The following SLC6A9 variants were observed in gnomAD, a reference collection of about 807,000 sequenced individuals.
The protein encoded by SLC6A9 is solute carrier family 6 member 9.
In SLC6A9, 31 loss-of-function variants were observed where a neutral mutation model predicts 70.9. That is an observed-to-expected ratio of 0.44 (90% CI 0.33 to 0.59). The LOEUF (loss-of-function observed/expected upper bound fraction) is 0.59, where lower values mean the gene tolerates loss of function less well. Among genes scored for constraint, SLC6A9 ranks in the 20% least tolerant of loss-of-function variants. The pLI is 0.04. For missense variants in SLC6A9, 631 were observed against 845.2 expected (o/e 0.75, Z 3.14); for synonymous variants, 310 against 341.3 (o/e 0.91, Z 1.01).
rs200761693 is a variant in SLC6A9, at chr1:44,001,526, T to A, written c.1064A>T (p.Asp355Val). 4.3e-6 allele frequency: 7 copies of A among 1,614,056 alleles called. No individual in the cohort carries two copies. The African/African-American group carries it at 9.3e-5, about 22-fold the overall frequency. Residue 355 changes from aspartate (D) to valine (V), a missense_variant, in exon 9 of 14, where the codon GAT becomes GTT. Coordinates refer to ENST00000372310, the MANE Select transcript of SLC6A9 (RefSeq NM_001024845.3). The part of the protein sequence containing the change: ...LGFMANHLGV[D>V]VSRVADHGPG... ...GCCGTGGTCTGCCACACGGGACACA[T>A]CCACGCCCAGGTGATTGGCCATGAA...
intron 5 of SLC6A9, among the ~76,000 whole-genome samples, chr1:44,006,840 G>GT (rs879901529): frequency 1.3e-5 from 2 of 152,178 alleles, no homozygotes; most frequent in Non-Finnish European, 2.9e-5. Context: ...CAGCCCAGAG[G>GT]TTGGCACAGG....
intron 1 of SLC6A9, among the ~76,000 whole-genome samples, chr1:44,029,143 C>G (rs931716108): frequency 6.6e-6 from 1 of 152,160 alleles, no homozygotes; most frequent in South Asian, 2.1e-4. Flanking sequence ...AGAACCCTGG[C>G]CCACCTTGAC....
At chr1:44,022,774 A>C (rs1476104919) in intron 2 of SLC6A9, among the ~76,000 whole-genome samples, 1 of 132,132 alleles carries the variant, frequency 7.6e-6, no homozygotes, top group East Asian at 2.3e-4. Flanking sequence ...GCTGGAGTGC[A>C]GTGGCGCTTG....
chr1:44,016,233 G>A (rs891104540), intron 2 of SLC6A9, among the ~76,000 whole-genome samples: 10 of 152,268 alleles, frequency 6.6e-5, no homozygotes, highest in Middle Eastern at 3.4e-3. Flanking sequence ...GTGCTGCAGC[G>A]GCTGGGGGCG....
In SLC6A9 at chr1:43,997,738, C is replaced by T. The variant is rs141553063; in HGVS notation, c.1709G>A (p.Arg570His). 52 of 1,606,092 alleles carry T rather than the reference C, an allele frequency of 3.2e-5. No individual in the cohort carries two copies. In the Admixed American group the frequency reaches 3.8e-4, roughly 12 times the overall value. The stretch of plus-strand genomic sequence containing the variant: ...GCTTGGCTTTGTGGCATTTTTCAAA[C>T]GCTGCATGAGGTAGGCATGGGGCAC... ...CRTDGDTLLQ[R>H]LKNATKPSRD... Residue 570 changes from arginine (R) to histidine (H), a missense_variant and splice_region_variant, in exon 14 of 14, where the codon CGT becomes CAT. By Grantham distance (29) the Arg-to-His change is conservative. Coordinates refer to ENST00000372310, the MANE Select transcript of SLC6A9 (RefSeq NM_001024845.3). This position sits in a 1 kb window ranked among gnomAD's most constrained non-coding sequence, Gnocchi z 4.4.
chr1:44,000,717 A>G, intron 12 of SLC6A9, 50 bp downstream of exon 12: 1 of 1,229,500 alleles, frequency 8.1e-7, no homozygotes, highest in Non-Finnish European at 1.2e-6. Flanking sequence ...AGAGATGGAC[A>G]CATGGCCAAG....
chr1:44,025,374 A>G (rs1322827650), intron 1 of SLC6A9, among the ~76,000 whole-genome samples: 1 of 152,026 alleles, frequency 6.6e-6, no homozygotes, highest in East Asian at 1.9e-4. Context: ...GATTAATGTC[A>G]GATGGGACGG....
rs202049978 is a variant in SLC6A9 at position 43,996,952 on chromosome 1, G to A, written c.*593C>T. Reference sequence around the variant, plus strand: ...GGGGCAGAGACCCCGGAGCAGCCCAGTGAGGTGCAAGCAGGCCTGGAAGAC... The same window carrying A: ...GGGGCAGAGACCCCGGAGCAGCCCAATGAGGTGCAAGCAGGCCTGGAAGAC... On this transcript the variant is annotated 3_prime_UTR_variant, in exon 14 of 14. Coordinates refer to ENST00000372310, the MANE Select transcript of SLC6A9 (RefSeq NM_001024845.3). 6.5e-6 allele frequency: 1 copy of A among 154,538 alleles called. No homozygotes were observed. Among genetic ancestry groups the A allele is most frequent in the African/African-American group, 2.4e-5 (1 of 41,446 alleles). The allele number at this position is 154,538 out of a possible 1,614,324, so 9.6% of individuals were successfully genotyped here. A position where few individuals can be genotyped will look rare whatever the true frequency, so the allele number is the denominator to read the frequency against.
At chr1:44,009,079 T>C (rs2086445873) in intron 4 of SLC6A9, among the ~76,000 whole-genome samples, 1 of 135,602 alleles carries the variant, frequency 7.4e-6, no homozygotes, top group South Asian at 2.4e-4. Context: ...CAGGCTGGAG[T>C]GCAATGGCGC....
chr1:44,028,452 C>T (rs1377924405), intron 1 of SLC6A9, among the ~76,000 whole-genome samples: 1 of 152,166 alleles, frequency 6.6e-6, no homozygotes, highest in African/African-American at 2.4e-5. Flanking sequence ...GAGAGGAAGT[C>T]AATTAGAAAT....
At chr1:44,022,706 CTTT>C (rs2086905828) in intron 2 of SLC6A9, among the ~76,000 whole-genome samples, 1 of 80,596 alleles carries the variant, frequency 1.2e-5, no homozygotes, top group African/African-American at 1.4e-4. Context: ...ATTTTTCTTT[CTTT>C]CTTTCTTTCT....
chr1:44,011,827 G>T, intron 2 of SLC6A9: 1 of 1,127,352 alleles, frequency 8.9e-7, no homozygotes, highest in Non-Finnish European at 1.3e-6. Context: ...GCCCCACTGA[G>T]GACAGCCCCT....
chr1:44,024,456 C>A, intron 1 of SLC6A9, 94 bp from the exon 2 acceptor site: 1 of 701,790 alleles, frequency 1.4e-6, no homozygotes, highest in East Asian at 2.6e-5. Context: ...CACCAGCCTG[C>A]CCAGGCCCTC....
intron 1 of SLC6A9, among the ~76,000 whole-genome samples, chr1:44,030,070 T>C (rs1001232104): frequency 1.3e-5 from 2 of 152,206 alleles, no homozygotes; most frequent in Middle Eastern, 3.4e-3. Flanking sequence ...GGGGTGTGGC[T>C]TGCGGAGAGC....
chr1:43,999,228 G>A (rs897766418), intron 12 of SLC6A9, among the ~76,000 whole-genome samples: 3 of 151,704 alleles, frequency 2.0e-5, no homozygotes, highest in Non-Finnish European at 4.4e-5. Context: ...TATGAAAAAG[G>A]AAAGCCCCCA....
intron 2 of SLC6A9, among the ~76,000 whole-genome samples, chr1:44,012,470 C>G (rs1326193961): frequency 1.3e-5 from 2 of 152,236 alleles, no homozygotes; most frequent in East Asian, 3.8e-4. Context: ...CATGGGTTTC[C>G]TTCAAGGAGC....
At chr1:44,010,468 G>GGGC (rs1457053734) in intron 3 of SLC6A9, 3 of 256,364 alleles carry the variant, frequency 1.2e-5, no homozygotes, top group Non-Finnish European at 1.5e-5. Flanking sequence ...GGGGGGGGGG[G>GGGC]GGGTTAGGTC....
At position 44,026,853 on chromosome 1, in the gene SLC6A9, C is replaced by G. The variant is rs11210941; in HGVS notation, c.-85-2491G>C. 1.6e-3 allele frequency among the ~76,000 whole-genome samples: 246 copies of G among 152,306 alleles called. 1 individual carries two copies. The highest frequency in any genetic ancestry group is 5.5e-3 in the African/African-American group (227 of 41,554). ...AGACTCGGAGAGGTCACATGCCTTC[C>G]TTGTAAGTGCTCGAGTGAGGACTTG... On this transcript the variant is annotated intron_variant, in intron 1 of 13. Coordinates refer to ENST00000372310, the MANE Select transcript of SLC6A9 (RefSeq NM_001024845.3).
chr1:43,999,342 A>C (rs1386231285), intron 12 of SLC6A9, among the ~76,000 whole-genome samples: 1 of 151,366 alleles, frequency 6.6e-6, no homozygotes, highest in East Asian at 2.0e-4. Context: ...GCACAGGAAG[A>C]GCCCCGCCCG....
Sources: gnomAD v4.1 joint callset for allele counts (sites outside exome capture counted in the v4.1 genomes callset) on GRCh38, gnomAD v4.1.1 for gene constraint, Gnocchi (gnomAD v3.1) non-coding constraint, MANE v1.5 for transcripts, NCBI Gene and HGNC (gene_info 2026-07-23, HGNC 2026-07-21) for gene names.